The following LIN28B variants were observed in gnomAD, a reference collection of about 807,000 sequenced individuals.
LIN28B encodes lin-28 RNA binding posttranscriptional regulator B, also known as protein lin-28 homolog B.
A neutral mutation model predicts 21.9 loss-of-function variants in LIN28B; 5 were observed. The ratio of observed to expected loss-of-function variants is 0.23; its 90% confidence interval spans 0.12 to 0.48. The LOEUF (loss-of-function observed/expected upper bound fraction) is 0.48. LIN28B is among the 20% of genes least tolerant of loss of function. The pLI, the probability that LIN28B is intolerant of heterozygous loss-of-function variation, is 0.98. For synonymous variants in LIN28B, 109 were observed against 111.3 expected (o/e 0.98, Z 0.13); for missense variants, 245 against 310.5 (o/e 0.79, Z 1.58).
intron 2 of LIN28B, among the ~76,000 whole-genome samples, chr6:104,964,915 AT>A (rs1769825218): frequency 6.6e-6 from 1 of 152,038 alleles, no homozygotes; most frequent in African/African-American, 2.4e-5. Flanking sequence ...TAGTGTTATA[AT>A]TTTTTCTATA....
Position 104,958,213 on chromosome 6 carries a change from G to T in LIN28B, c.125G>T (p.Gly42Val). The change falls in exon 2 of 4, where the codon GGA becomes GTA. Residue 42 changes from glycine to valine, a missense_variant. Physicochemically the swap from Gly to Val is moderately radical, Grantham distance 109. Coordinates refer to ENST00000345080, the MANE Select transcript of LIN28B (RefSeq NM_001004317.4). ...GHCKWFNVRM[G>V]FGFISMINRE... ...TGTAAGTGGTTCAATGTGCGCATGG[G>T]ATTTGGATTCATCTCCATGATAAAC... is the stretch of plus-strand genomic sequence containing the variant. The T allele has an allele frequency of 6.2e-7, 1 of 1,602,206 alleles. No homozygotes were observed. The highest frequency in any genetic ancestry group is 1.1e-5 in the South Asian group (1 of 90,074).
intron 2 of LIN28B, among the ~76,000 whole-genome samples, chr6:105,011,891 G>T (rs1358297599): frequency 6.7e-6 from 1 of 149,616 alleles, no homozygotes; most frequent in Non-Finnish European, 1.5e-5. Flanking sequence ...CAGGTGTGGT[G>T]TCTCATGCCT....
rs181093638 is a variant in LIN28B at position 105,078,935 on chromosome 6, G to C, written c.*152G>C. On this transcript the variant is annotated 3_prime_UTR_variant, in exon 4 of 4. Coordinates refer to ENST00000345080, the MANE Select transcript of LIN28B (RefSeq NM_001004317.4). ...TTTTTAAACAGACAAATCACTCTAA[G>C]CAAATTACATTTGAGCAGGGTGTCA... 7 of 796,758 alleles carry C rather than the reference G, an allele frequency of 8.8e-6. No individual in the cohort carries two copies. The African/African-American group carries it at 1.0e-4, about 12-fold the overall frequency. 49.4% of individuals were successfully genotyped at this position (796,758 alleles called of 1,614,324 possible). A position where few individuals can be genotyped will look rare whatever the true frequency, so the allele number is the denominator to read the frequency against.
intron 2 of LIN28B, among the ~76,000 whole-genome samples, chr6:105,006,924 T>A (rs1149280): frequency 0.11 from 16,758 of 152,272 alleles, 1,006 homozygotes; most frequent in African/African-American, 0.15. Context: ...AGTAGGGAAA[T>A]GCAAGCCTGC....
intron 3 of LIN28B, among the ~76,000 whole-genome samples, chr6:105,044,714 C>T (rs1771710061): frequency 6.6e-6 from 1 of 152,088 alleles, no homozygotes; most frequent in African/African-American, 2.4e-5. Flanking sequence ...AAAATATTTT[C>T]ATTTCAATAG....
intron 2 of LIN28B, among the ~76,000 whole-genome samples, chr6:104,937,708 AAT>A (rs1184907457): frequency 6.6e-6 from 1 of 152,216 alleles, no homozygotes; most frequent in East Asian, 1.9e-4. Flanking sequence ...CTCATAAAAA[AAT>A]AGAGGGCAAG....
intron 3 of LIN28B, among the ~76,000 whole-genome samples, chr6:105,047,321 T>A (rs1056238394): frequency 6.6e-6 from 1 of 152,186 alleles, no homozygotes; most frequent in Non-Finnish European, 1.5e-5. Context: ...AAAGATCAGA[T>A]GGTTGTAGAT....
At chr6:105,063,185 C>T (rs1259200905) in intron 3 of LIN28B, among the ~76,000 whole-genome samples, 3 of 152,094 alleles carry the variant, frequency 2.0e-5, no homozygotes, top group African/African-American at 7.2e-5. Context: ...TTAGTTTATA[C>T]AATTACATCA....
At chr6:105,023,283 T>A (rs1364275447) in intron 2 of LIN28B, among the ~76,000 whole-genome samples, 2 of 37,346 alleles carry the variant, frequency 5.4e-5, no homozygotes, top group African/African-American at 1.9e-4. Flanking sequence ...ATTATATATA[T>A]AAATAATATA....
intron 3 of LIN28B, among the ~76,000 whole-genome samples, chr6:105,041,053 A>G (rs1257228467): frequency 2.0e-5 from 3 of 151,724 alleles, no homozygotes; most frequent in African/African-American, 7.3e-5. Context: ...CTTGGATTAC[A>G]GGCACACACC....
chr6:105,015,790 G>A (rs1582896981), intron 2 of LIN28B, among the ~76,000 whole-genome samples: 1 of 152,242 alleles, frequency 6.6e-6, no homozygotes, highest in East Asian at 1.9e-4. Context: ...GCCAGATACT[G>A]TAGTGGTTTG....
chr6:104,939,889 C>A (rs1582852234), intron 2 of LIN28B, among the ~76,000 whole-genome samples: 1 of 151,978 alleles, frequency 6.6e-6, no homozygotes, highest in African/African-American at 2.4e-5. Context: ...AGAAACTACC[C>A]AAAGTATAAG....
chr6:104,993,250 A>AT (rs1194392723), intron 2 of LIN28B, among the ~76,000 whole-genome samples: 1 of 152,116 alleles, frequency 6.6e-6, no homozygotes, highest in Non-Finnish European at 1.5e-5. Context: ...GGAGGATCAC[A>AT]TGAGGCGAGT....
At chr6:105,063,069 A>G (rs906422030) in intron 3 of LIN28B, among the ~76,000 whole-genome samples, 1 of 152,156 alleles carries the variant, frequency 6.6e-6, no homozygotes, top group Non-Finnish European at 1.5e-5. Flanking sequence ...TAGAATGACT[A>G]ACTGGGTAAC....
At chr6:104,953,813 G>A (rs1424776465), upstream of LIN28B, among the ~76,000 whole-genome samples, 2 of 152,142 alleles carry the variant, frequency 1.3e-5, no homozygotes, top group Non-Finnish European at 2.9e-5. Flanking sequence ...AGGAGAGGAC[G>A]GGTGGAGTCA....
At chr6:104,940,132 T>C (rs1244248500) in intron 2 of LIN28B, 3 of 168,218 alleles carry the variant, frequency 1.8e-5, no homozygotes, top group Non-Finnish European at 4.4e-5. Flanking sequence ...ACTTCTGGCA[T>C]TGTCTACCAT....
chr6:104,967,599 A>G (rs1407619677), intron 2 of LIN28B, among the ~76,000 whole-genome samples: 6 of 125,060 alleles, frequency 4.8e-5, no homozygotes, highest in Non-Finnish European at 1.0e-4. Flanking sequence ...AAAAAAAAAA[A>G]GAAAGAAAGA....
At chr6:104,984,527 C>T (rs1396970591) in intron 2 of LIN28B, among the ~76,000 whole-genome samples, 1 of 151,562 alleles carries the variant, frequency 6.6e-6, no homozygotes, top group Non-Finnish European at 1.5e-5. Flanking sequence ...TCACTGCGGT[C>T]TCCAACTCCT....
chr6:104,959,087 G>T (rs1358838286), intron 2 of LIN28B, among the ~76,000 whole-genome samples: 3 of 152,062 alleles, frequency 2.0e-5, no homozygotes, highest in African/African-American at 4.8e-5. Context: ...GAATTTCATT[G>T]CTTCCCATTT....
Sources: gnomAD v4.1 joint callset for allele counts (sites outside exome capture counted in the v4.1 genomes callset) on GRCh38, gnomAD v4.1.1 for gene constraint, MANE v1.5 for transcripts, NCBI Gene and HGNC (gene_info 2026-07-23, HGNC 2026-07-21) for gene names.